Variants in MBNL1 observed in about 807,000 individuals in gnomAD.
The protein encoded by MBNL1 is muscleblind-like protein 1.
MBNL1 carries 8 observed loss-of-function variants against 42.2 expected under a neutral mutation model. The observed-to-expected ratio is 0.19, with a 90% CI of 0.11 to 0.34. The LOEUF (loss-of-function observed/expected upper bound fraction) is 0.34, where lower values mean the gene tolerates loss of function less well. MBNL1 is among the 10% of genes least tolerant of loss of function. The probability of loss-of-function intolerance (pLI) is 1.00; values close to 1 mark genes in which losing one functional copy is unlikely to be tolerated. For synonymous variants in MBNL1, 169 were observed against 173.9 expected (o/e 0.97, Z 0.22); for missense variants, 309 against 495.3 (o/e 0.62, Z 3.57).
intron 2 of MBNL1, chr3:152,301,912 C>T (rs1054640709): frequency 1.3e-5 from 2 of 152,108 alleles, no homozygotes; most frequent in African/African-American, 4.8e-5. Flanking sequence ...AATTTTTAAT[C>T]CTACAGACAG....
intron 3 of MBNL1, among the ~76,000 whole-genome samples, chr3:152,428,308 A>G (rs933453930): frequency 2.6e-5 from 4 of 152,242 alleles, no homozygotes; most frequent in Non-Finnish European, 1.5e-5. Context: ...TGAACAAGAC[A>G]TAAAGCAAAA....
At chr3:152,407,629 C>T (rs545484369) in intron 2 of MBNL1, among the ~76,000 whole-genome samples, 30 of 152,028 alleles carry the variant, frequency 2.0e-4, no homozygotes, top group African/African-American at 7.0e-4. Context: ...ATAAAAAAAT[C>T]CTATTTACTT....
intron 2 of MBNL1, among the ~76,000 whole-genome samples, chr3:152,310,800 A>G (rs1312444446): frequency 6.6e-6 from 1 of 152,040 alleles, no homozygotes; most frequent in Non-Finnish European, 1.5e-5. Context: ...CAGTATAGCA[A>G]ATCAGAATAA....
At chr3:152,445,190 T>C in intron 4 of MBNL1, 92 bp from the exon 5 acceptor site, 1 of 1,089,124 alleles carries the variant, frequency 9.2e-7, no homozygotes, top group Admixed American at 2.2e-5. Context: ...TCTATAGCCT[T>C]CTGTCACCAG....
chr3:152,295,822 C>T (rs2058316623), intron 1 of MBNL1, among the ~76,000 whole-genome samples: 1 of 152,236 alleles, frequency 6.6e-6, no homozygotes, highest in Non-Finnish European at 1.5e-5. Flanking sequence ...GGAGCTCACA[C>T]ATGTCTTGGC....
chr3:152,286,695 AT>A (rs2052522753), intron 1 of MBNL1, among the ~76,000 whole-genome samples: 1 of 151,596 alleles, frequency 6.6e-6, no homozygotes, highest in East Asian at 1.9e-4. Flanking sequence ...AAATATCACA[AT>A]CTGTAAAGCA....
intron 2 of MBNL1, among the ~76,000 whole-genome samples, chr3:152,372,088 G>T (rs577498367): frequency 6.6e-6 from 1 of 152,018 alleles, no homozygotes; most frequent in African/African-American, 2.4e-5. Flanking sequence ...CCACTTGATC[G>T]ATTTGGCTAT....
chr3:152,384,377 G>A (rs140929732), intron 2 of MBNL1, among the ~76,000 whole-genome samples: 1 of 152,002 alleles, frequency 6.6e-6, no homozygotes, highest in African/African-American at 2.4e-5. Context: ...TGACTAGAGA[G>A]TTACAGAAAG....
chr3:152,248,762 C>T (rs1009045121), intron 2 of MBNL1, among the ~76,000 whole-genome samples: 8 of 151,118 alleles, frequency 5.3e-5, no homozygotes, highest in African/African-American at 1.9e-4. Context: ...TGCTATCCCT[C>T]CCCCCTTCCC....
intron 2 of MBNL1, among the ~76,000 whole-genome samples, chr3:152,325,815 TTC>T (rs1478635616): frequency 6.6e-6 from 1 of 151,786 alleles, no homozygotes; most frequent in Non-Finnish European, 1.5e-5. Context: ...CCCCTGTGAT[TTC>T]TGTCTTTTTT....
intron 2 of MBNL1, among the ~76,000 whole-genome samples, chr3:152,382,180 A>G (rs2097203788): frequency 2.0e-5 from 3 of 152,120 alleles, no homozygotes; most frequent in Admixed American, 2.0e-4. Flanking sequence ...GGAAAAAGCC[A>G]AATGGAAAAC....
intron 2 of MBNL1, among the ~76,000 whole-genome samples, chr3:152,347,565 AT>A (rs1330803421): frequency 1.3e-5 from 2 of 152,124 alleles, no homozygotes; most frequent in Non-Finnish European, 2.9e-5. Flanking sequence ...TGTGTTTGGC[AT>A]TTTTAATGGA....
At chr3:152,441,898 T>C (rs954488940) in intron 4 of MBNL1, among the ~76,000 whole-genome samples, 1 of 152,214 alleles carries the variant, frequency 6.6e-6, no homozygotes, top group Non-Finnish European at 1.5e-5. Context: ...GTTCAAGCAA[T>C]TCTCGTGCCT....
intron 2 of MBNL1, among the ~76,000 whole-genome samples, chr3:152,247,583 C>A (rs959327625): frequency 5.9e-5 from 9 of 151,828 alleles, no homozygotes; most frequent in Non-Finnish European, 1.2e-4. Flanking sequence ...AACCACTGTT[C>A]ATTAATTTTT....
At chr3:152,350,996 T>C (rs528652387) in intron 2 of MBNL1, among the ~76,000 whole-genome samples, 1 of 152,230 alleles carries the variant, frequency 6.6e-6, no homozygotes, top group Admixed American at 6.5e-5. Flanking sequence ...GATGACTAAT[T>C]AGCTACCTAG....
At chr3:152,418,493 C>A (rs1264476161) in intron 3 of MBNL1, among the ~76,000 whole-genome samples, 1 of 151,324 alleles carries the variant, frequency 6.6e-6, no homozygotes, top group East Asian at 2.0e-4. Context: ...GGCAACATAG[C>A]AAGACACCAA....
chr3:152,332,739 T>TGTGCGCGCGC (rs1256022678), intron 2 of MBNL1, among the ~76,000 whole-genome samples: 62 of 115,692 alleles, frequency 5.4e-4, no homozygotes, highest in East Asian at 2.0e-3. Context: ...TGTGTGTGTG[T>TGTGCGCGCGC]GCGCGCGCGC....
intron 3 of MBNL1, among the ~76,000 whole-genome samples, chr3:152,426,222 A>ATAT (rs1487339471): frequency 6.6e-6 from 1 of 152,078 alleles, no homozygotes; most frequent in African/African-American, 2.4e-5. Flanking sequence ...GGTGGGGGAT[A>ATAT]GCATTAGGAG....
chr3:152,306,394 A>G (rs1381440889), intron 2 of MBNL1, among the ~76,000 whole-genome samples: 2 of 152,126 alleles, frequency 1.3e-5, no homozygotes, highest in Non-Finnish European at 2.9e-5. Flanking sequence ...ATGGCTTCCA[A>G]CTTTAGGATT....
Sources: gnomAD v4.1 joint callset for allele counts (sites outside exome capture counted in the v4.1 genomes callset) on GRCh38, gnomAD v4.1.1 for gene constraint, MANE v1.5 for transcripts, NCBI Gene and HGNC (gene_info 2026-07-23, HGNC 2026-07-21) for gene names.